Variants in CDH19 observed in about 807,000 individuals in gnomAD.
CDH19 encodes cadherin-19.
Under a neutral mutation model 64.2 loss-of-function variants are expected in CDH19, and 67 were observed. The ratio of observed to expected loss-of-function variants is 1.04; its 90% CI spans 0.86 to 1.28. CDH19 has a LOEUF of 1.28. Ranked by LOEUF, CDH19 falls within the 50% of genes most tolerant of loss-of-function variation. The probability of loss-of-function intolerance (pLI) is 0.00; values close to 1 mark genes in which losing one functional copy is unlikely to be tolerated. For missense variants in CDH19, 1,030 were observed against 929.0 expected (o/e 1.11, Z -1.41); for synonymous variants, 346 against 319.3 (o/e 1.08, Z -0.89).
In CDH19 at chr18:66,551,209, A is replaced by T; in HGVS notation, c.660T>A (p.Tyr220Ter). Residue 220 changes from tyrosine (Y) to a stop codon, truncating the protein, a stop_gained, in exon 5 of 12, where the codon TAT (tyrosine) becomes TAA (stop). Transcript: ENST00000262150. LOFTEE classifies it high-confidence loss of function. ...TGTCCTTGGCTTGAATGATTACCCA[A>T]TACTCATCTTGCAGTTCTCTATCCA... ...SKMDRELQDE[Y>*]WVIIQAKDMI... 5 of 1,577,292 alleles carry T rather than the reference A, an allele frequency of 3.2e-6. No homozygotes were observed. The highest frequency in any genetic ancestry group is 4.4e-6 in the Non-Finnish European group (5 of 1,147,022).
At chr18:66,582,167 A>C (rs1227181459) in intron 1 of CDH19, among the ~76,000 whole-genome samples, 2 of 152,128 alleles carry the variant, frequency 1.3e-5, no homozygotes, top group African/African-American at 2.4e-5. Context: ...TCAAATGACA[A>C]AATATATGTT....
At chr18:66,519,850 C>G (rs1261800796) in intron 9 of CDH19, among the ~76,000 whole-genome samples, 1 of 152,084 alleles carries the variant, frequency 6.6e-6, no homozygotes, top group Non-Finnish European at 1.5e-5. Context: ...CAAAAAGATG[C>G]ACTCAGCTAT....
chr18:66,516,418 G>A (rs1472216185), intron 9 of CDH19, among the ~76,000 whole-genome samples: 1 of 152,004 alleles, frequency 6.6e-6, no homozygotes, highest in Non-Finnish European at 1.5e-5. Flanking sequence ...TATTTTAAAT[G>A]AGAAACAATA....
chr18:66,549,069 T>C (rs1057485789), intron 5 of CDH19, among the ~76,000 whole-genome samples: 8 of 152,178 alleles, frequency 5.3e-5, no homozygotes, highest in Admixed American at 4.6e-4. Context: ...GGGAAAACCA[T>C]GTGGACAAGA....
intron 11 of CDH19, among the ~76,000 whole-genome samples, chr18:66,506,806 C>T (rs894953598): frequency 4.6e-5 from 7 of 151,660 alleles, no homozygotes; most frequent in Non-Finnish European, 7.4e-5. Context: ...TGAATAGTAT[C>T]ACAAAGAGAA....
rs149519372 is a variant in CDH19 at position 66,546,856 on chromosome 18, C to G, written c.776-1953G>C. Among the ~76,000 whole-genome samples, 8 of 152,166 alleles carry G rather than the reference C, an allele frequency of 5.3e-5. No individual in the cohort carries two copies. In the East Asian group the frequency reaches 1.4e-3, roughly 26 times the overall value. On this transcript the variant is annotated intron_variant, in intron 5 of 11. Coordinates refer to ENST00000262150, the MANE Select transcript of CDH19 (RefSeq NM_021153.4). ...TTCTGGGAAAAGAGAGGATAATTGC[C>G]TGGTGTTGGTTTCTTAGTAAGCAAA...
intron 1 of CDH19, among the ~76,000 whole-genome samples, chr18:66,574,387 T>C (rs1432640875): frequency 6.6e-6 from 1 of 151,538 alleles, no homozygotes; most frequent in Non-Finnish European, 1.5e-5. Context: ...ATGTTGAACG[T>C]GTTAAGCAGA....
At position 66,509,180 on chromosome 18, in the gene CDH19, A is replaced by T. The variant is rs1211268665; in HGVS notation, c.1643T>A (p.Ile548Asn). 4.3e-6 allele frequency: 7 copies of T among 1,612,268 alleles called. No homozygotes were observed. Among genetic ancestry groups the T allele is most frequent in the Non-Finnish European group, 5.9e-6 (7 of 1,178,806 alleles). The part of the protein sequence containing the change: ...FNLQEEPVFY[I>N]SILIADNGIP... ...TCCATTGTCGGCAATTAAGATGGAG[A>T]TGTAGAAGACAGGTTCTTCTTGAAG... Residue 548 changes from isoleucine (I) to asparagine (N), a missense_variant, in exon 11 of 12, where the codon ATC (isoleucine) becomes AAC (asparagine). Physicochemically the swap from Ile to Asn is moderately radical, Grantham distance 149 (BLOSUM62 -3). Coordinates refer to ENST00000262150, the MANE Select transcript of CDH19 (RefSeq NM_021153.4).
intron 9 of CDH19, among the ~76,000 whole-genome samples, chr18:66,522,620 T>G (rs977475449): frequency 6.6e-6 from 1 of 151,804 alleles, no homozygotes; most frequent in African/African-American, 2.4e-5. Context: ...AATTTGACTT[T>G]TTATCCTTTT....
intron 1 of CDH19, among the ~76,000 whole-genome samples, chr18:66,576,821 T>C (rs1988280694): frequency 6.6e-6 from 1 of 151,694 alleles, no homozygotes; most frequent in South Asian, 2.1e-4. Context: ...GAAAATCTTA[T>C]GAAATCTATA....
chr18:66,544,966 G>GT (rs1355205914), intron 5 of CDH19, 63 bp from the exon 6 acceptor site: 4 of 1,241,132 alleles, frequency 3.2e-6, no homozygotes, highest in East Asian at 5.1e-5. Context: ...TGCAATTATA[G>GT]TTTTTTGTTT....
rs1988035807 is a variant in CDH19, at chr18:66,569,620, G to T, written c.196-910C>A. Among the ~76,000 whole-genome samples the T allele has an allele frequency of 5.3e-5, 8 of 151,510 alleles. No individual in the cohort carries two copies. The South Asian group carries it at 1.7e-3, about 31-fold the overall frequency. On this transcript the variant is annotated intron_variant, in intron 2 of 11. Transcript: ENST00000262150. The stretch of plus-strand genomic sequence containing the variant: ...TTAGTTCATCATTCATACTGTTGAG[G>T]TATTATTTAGAATTTTTAATTTATC...
intron 6 of CDH19, 108 bp downstream of exon 6, chr18:66,544,610 TG>T (rs1449177356): frequency 1.5e-6 from 1 of 680,732 alleles, no homozygotes; most frequent in Non-Finnish European, 2.3e-6. Flanking sequence ...CATAAATTAC[TG>T]GTTCTCATTT....
chr18:66,598,113 C>T (rs2144644389), intron 1 of CDH19, among the ~76,000 whole-genome samples: 1 of 152,198 alleles, frequency 6.6e-6, no homozygotes, highest in Non-Finnish European at 1.5e-5. Context: ...CCATCTCACG[C>T]CAGTCAGAAT....
Position 66,572,080 on chromosome 18 carries a change from TTC to T in CDH19, c.123_124del (p.Lys42AlafsTer18). On this transcript the variant is annotated frameshift_variant, in exon 2 of 12. Coordinates refer to ENST00000262150, the MANE Select transcript of CDH19 (RefSeq NM_021153.4). LOFTEE classifies it high-confidence loss of function. ...AAATTGGTTCCACACCCAGCCACGC[TTC>T]ACTCTCAAATGAGATCGCACTGGCT... is the stretch of plus-strand genomic sequence containing the variant. 6.2e-7 allele frequency: 1 copy of T among 1,611,642 alleles called. No homozygotes were observed.
intron 1 of CDH19, among the ~76,000 whole-genome samples, chr18:66,572,946 C>A (rs1175959436): frequency 1.3e-5 from 2 of 151,578 alleles, no homozygotes; most frequent in African/African-American, 4.8e-5. Context: ...AAAACAAAAT[C>A]CTCTTAGGAC....
At chr18:66,544,957 G>T in intron 5 of CDH19, 54 bp from the exon 6 acceptor site, 1 of 1,272,404 alleles carries the variant, frequency 7.9e-7, no homozygotes. Context: ...TAGACAACTT[G>T]CAATTATAGT....
At position 66,534,016 on chromosome 18, in the gene CDH19, A is replaced by T. The variant is rs190298310; in HGVS notation, c.1336+970T>A. Among the ~76,000 whole-genome samples the T allele has an allele frequency of 3.1e-3, 470 of 152,126 alleles. 1 individual carries two copies. The highest frequency in any genetic ancestry group is 0.01 in the African/African-American group (417 of 41,550). ...TGGGCTTAATGATGTAGAATTTTTT[A>T]AAATGTTAGAGAAAGAAAAAAAATG... On this transcript the variant is annotated intron_variant, in intron 8 of 11. Transcript: ENST00000262150.
chr18:66,509,657 A>C (rs563494909), intron 10 of CDH19, among the ~76,000 whole-genome samples: 1 of 151,866 alleles, frequency 6.6e-6, no homozygotes, highest in East Asian at 1.9e-4. Flanking sequence ...AGGGACTACC[A>C]ATATGAAATA....
Sources: gnomAD v4.1 joint callset for allele counts (sites outside exome capture counted in the v4.1 genomes callset) on GRCh38, gnomAD v4.1.1 for gene constraint, MANE v1.5 for transcripts, NCBI Gene and HGNC (gene_info 2026-07-23, HGNC 2026-07-21) for gene names.